Variants in CEP112 observed in about 807,000 individuals in gnomAD.
The protein encoded by CEP112 is centrosomal protein 112.
A neutral mutation model predicts 153.0 loss-of-function variants in CEP112; 127 were observed. That is an observed-to-expected ratio of 0.83 (90% CI 0.72 to 0.96). The LOEUF is 0.96. Ranked by LOEUF, CEP112 falls within the 40% of genes least tolerant of loss-of-function variation. The probability of loss-of-function intolerance (pLI) is 0.00; values close to 1 mark genes in which losing one functional copy is unlikely to be tolerated. For missense variants in CEP112, 1,089 were observed against 1,101.2 expected, an observed-to-expected ratio of 0.99 and a Z score of 0.16; for synonymous variants, 358 against 374.4, an observed-to-expected ratio of 0.96 and a Z score of 0.51.
In CEP112 at chr17:65,742,961, G is replaced by C. The variant is rs2051217397; in HGVS notation, c.2607+107C>G. On this transcript the variant is annotated intron_variant, in intron 23 of 26. Transcript: ENST00000535342. ...TGAATGGAATTACTGCAGGCTGTGT[G>C]AACAAGCCAGATACCCGCATTCATC... is the stretch of plus-strand genomic sequence containing the variant. 5 of 835,136 alleles carry C rather than the reference G, an allele frequency of 6.0e-6. No individual in the cohort carries two copies. In the South Asian group the frequency reaches 6.4e-5, roughly 11 times the overall value. The allele number at this position is 835,136 out of a possible 1,614,324, so 51.7% of individuals were successfully genotyped here.
rs552632385 is a variant in CEP112, at chr17:65,712,338, C to T, written c.2608-23120G>A. 3.9e-5 allele frequency among the ~76,000 whole-genome samples: 6 copies of T among 152,134 alleles called. No individual in the cohort carries two copies. The East Asian group carries it at 7.7e-4, about 20-fold the overall frequency. On this transcript the variant is annotated intron_variant, in intron 23 of 26. Coordinates refer to ENST00000535342, the MANE Select transcript of CEP112 (RefSeq NM_001199165.4). ...GCTATGATATACAGAAGATGAATAGCGGAACAAAAAATAAACACCTCCTTA... is the reference window on the plus strand; with the variant it reads ...GCTATGATATACAGAAGATGAATAGTGGAACAAAAAATAAACACCTCCTTA...
intron 19 of CEP112, among the ~76,000 whole-genome samples, chr17:65,910,579 C>A (rs1351537887): frequency 2.0e-5 from 3 of 151,964 alleles, no homozygotes; most frequent in African/African-American, 7.2e-5. Context: ...CAGAATTAAC[C>A]AAGGACCCAA....
chr17:65,649,105 C>A (rs1276824947), intron 24 of CEP112, among the ~76,000 whole-genome samples: 5 of 136,666 alleles, frequency 3.7e-5, no homozygotes, highest in African/African-American at 1.1e-4. Context: ...CACACACACA[C>A]ACACACACAC....
intron 16 of CEP112, 115 bp downstream of exon 16, chr17:66,027,386 A>G: frequency 1.0e-6 from 1 of 990,082 alleles, no homozygotes; most frequent in Non-Finnish European, 1.3e-6. Context: ...AAAAAAAAAG[A>G]CAAAGAAACA....
intron 17 of CEP112, among the ~76,000 whole-genome samples, chr17:65,970,940 A>G (rs1313065906): frequency 6.7e-6 from 1 of 148,930 alleles, no homozygotes; most frequent in Non-Finnish European, 1.5e-5. Context: ...TTGCACCCAT[A>G]TTATATTACA....
chr17:65,637,038 A>T, intron 26 of CEP112, 86 bp downstream of exon 26: 1 of 1,015,462 alleles, frequency 9.8e-7, no homozygotes. Context: ...CAAGCATTTT[A>T]ATAAAGACAA....
chr17:66,016,386 G>A (rs1272404227), intron 16 of CEP112, among the ~76,000 whole-genome samples: 1 of 152,086 alleles, frequency 6.6e-6, no homozygotes, highest in African/African-American at 2.4e-5. Flanking sequence ...CACAGGGGCT[G>A]TAACTGTGCT....
intron 18 of CEP112, among the ~76,000 whole-genome samples, chr17:65,934,119 G>A (rs2144309950): frequency 6.6e-6 from 1 of 152,298 alleles, no homozygotes; most frequent in South Asian, 2.1e-4. Context: ...AACCTGGGAG[G>A]CGGAGGTTGC....
intron 24 of CEP112, among the ~76,000 whole-genome samples, chr17:65,663,660 C>T (rs1027266509): frequency 1.5e-4 from 23 of 152,218 alleles, no homozygotes; most frequent in African/African-American, 5.3e-4. Flanking sequence ...CCAGCTTCCT[C>T]CTTTGCCTCC....
chr17:65,789,129 A>G (rs937180421), intron 21 of CEP112, among the ~76,000 whole-genome samples: 14 of 152,062 alleles, frequency 9.2e-5, no homozygotes, highest in African/African-American at 3.4e-4. Context: ...AACTAACTGA[A>G]CTCGATCATT....
At chr17:66,077,411 T>A (rs774030303) in intron 8 of CEP112, among the ~76,000 whole-genome samples, 40 of 152,076 alleles carry the variant, frequency 2.6e-4, no homozygotes, top group Non-Finnish European at 4.9e-4. Flanking sequence ...TGCAAAATGC[T>A]CTGCAAAGTC....
chr17:66,032,822 T>C (rs959449567), intron 12 of CEP112, among the ~76,000 whole-genome samples: 2 of 152,164 alleles, frequency 1.3e-5, no homozygotes, highest in African/African-American at 4.8e-5. Flanking sequence ...TCAAAATATA[T>C]GAGACATCAC....
intron 21 of CEP112, among the ~76,000 whole-genome samples, chr17:65,793,609 G>A (rs2054730117): frequency 1.3e-5 from 2 of 152,172 alleles, no homozygotes; most frequent in Admixed American, 6.5e-5. Context: ...GGCAACAGGT[G>A]GCAAACTTAC....
intron 18 of CEP112, among the ~76,000 whole-genome samples, chr17:65,932,309 A>G (rs1036879374): frequency 6.6e-6 from 1 of 152,236 alleles, no homozygotes; most frequent in Admixed American, 6.5e-5. Flanking sequence ...GAGGAAGCCA[A>G]TTCATCAAAC....
At chr17:66,086,729 T>C (rs929853611) in intron 8 of CEP112, among the ~76,000 whole-genome samples, 3 of 152,020 alleles carry the variant, frequency 2.0e-5, no homozygotes, top group Admixed American at 6.6e-5. Flanking sequence ...CATATGTTTA[T>C]AGAACACATA....
chr17:65,653,689 T>C (rs1382160488), intron 24 of CEP112, among the ~76,000 whole-genome samples: 1 of 152,108 alleles, frequency 6.6e-6, no homozygotes, highest in Non-Finnish European at 1.5e-5. Flanking sequence ...GTGGAGGATG[T>C]TTCTGAGGGA....
intron 21 of CEP112, among the ~76,000 whole-genome samples, chr17:65,773,565 T>G (rs1171659092): frequency 6.6e-6 from 1 of 152,108 alleles, no homozygotes; most frequent in East Asian, 1.9e-4. Flanking sequence ...TAAAGATGGG[T>G]TTTTTTAAGT....
intron 16 of CEP112, among the ~76,000 whole-genome samples, chr17:66,018,482 C>T (rs1247490896): frequency 6.6e-6 from 1 of 152,140 alleles, no homozygotes; most frequent in Non-Finnish European, 1.5e-5. Context: ...AATAACTCCA[C>T]AATGCTTCTT....
intron 21 of CEP112, among the ~76,000 whole-genome samples, chr17:65,836,761 T>C (rs894465020): frequency 6.6e-6 from 1 of 152,130 alleles, no homozygotes; most frequent in Non-Finnish European, 1.5e-5. Flanking sequence ...CAAGGTAAAC[T>C]GTCCTCTAGA....
Sources: gnomAD v4.1 joint callset for allele counts (sites outside exome capture counted in the v4.1 genomes callset) on GRCh38, gnomAD v4.1.1 for gene constraint, MANE v1.5 for transcripts, NCBI Gene and HGNC (gene_info 2026-07-23, HGNC 2026-07-21) for gene names.